Variants in CNTNAP3 observed in about 807,000 individuals in gnomAD.
CNTNAP3 encodes contactin associated protein family member 3.
Under a neutral mutation model 92.1 loss-of-function variants are expected in CNTNAP3, and 36 were observed. That is an observed-to-expected ratio of 0.39 (90% CI 0.30 to 0.52). The LOEUF (loss-of-function observed/expected upper bound fraction) is 0.52, where lower values mean the gene tolerates loss of function less well. CNTNAP3 is among the 20% of genes least tolerant of loss of function. The pLI is 0.76. For missense variants in CNTNAP3, 534 were observed against 1,069.6 expected, an observed-to-expected ratio of 0.50 and a Z score of 6.98; for synonymous variants, 232 against 422.3, an observed-to-expected ratio of 0.55 and a Z score of 5.53.
chr9:39,168,022 G>GTTT (rs796495690), intron 8 of CNTNAP3, among the ~76,000 whole-genome samples: 4 of 137,150 alleles, frequency 2.9e-5, no homozygotes, highest in African/African-American at 1.1e-4. Flanking sequence ...TTTTGTTTTT[G>GTTT]TTTTTTTTTT....
chr9:39,104,135 A>G (rs1826538393), intron 15 of CNTNAP3, among the ~76,000 whole-genome samples: 1 of 152,102 alleles, frequency 6.6e-6, no homozygotes, highest in Non-Finnish European at 1.5e-5. Flanking sequence ...AGGCCAAACA[A>G]AAGCGAAGCA....
chr9:39,122,139 G>C (rs1184792641), intron 13 of CNTNAP3, among the ~76,000 whole-genome samples: 2 of 152,178 alleles, frequency 1.3e-5, no homozygotes, highest in Non-Finnish European at 2.9e-5. Context: ...CAGATCATGA[G>C]GTCAGGAGAT....
At chr9:39,124,573 C>A (rs1821111888) in intron 13 of CNTNAP3, among the ~76,000 whole-genome samples, 1 of 152,102 alleles carries the variant, frequency 6.6e-6, no homozygotes, top group Non-Finnish European at 1.5e-5. Context: ...AGTGAACAGG[C>A]AACCTATAGA....
At position 39,103,803 on chromosome 9, in the gene CNTNAP3, G is replaced by A; in HGVS notation, c.2477C>T (p.Ser826Phe). 1 of 1,611,208 alleles carries A rather than the reference G, an allele frequency of 6.2e-7. No homozygotes were observed. Among genetic ancestry groups the A allele is most frequent in the Non-Finnish European group, 8.5e-7 (1 of 1,179,782 alleles). The change falls in exon 16 of 24, where the codon TCC becomes TTC. Residue 826 changes from serine to phenylalanine, a missense_variant. Ser to Phe is a radical substitution (Grantham distance 155). Transcript: ENST00000297668. ...DVCFFFKTTV[S>F]SGVFMENLGI... Reference sequence around the variant, plus strand: ...CAGGTTCTCCATAAACACCCCGGAGGAAACTGTGGTCTTAAAAAAGAAGCA... The same window carrying A: ...CAGGTTCTCCATAAACACCCCGGAGAAAACTGTGGTCTTAAAAAAGAAGCA...
intron 14 of CNTNAP3, among the ~76,000 whole-genome samples, chr9:39,113,766 C>T: frequency 6.6e-6 from 1 of 151,582 alleles, no homozygotes; most frequent in Non-Finnish European, 1.5e-5. Context: ...TATACTTATT[C>T]AACAATAATG....
At chr9:39,131,761 G>A (rs10974160) in intron 13 of CNTNAP3, among the ~76,000 whole-genome samples, 1 of 151,962 alleles carries the variant, frequency 6.6e-6, no homozygotes, top group Admixed American at 6.6e-5. Flanking sequence ...GGGAGGGGAG[G>A]GGGTTGCAGT....
intron 23 of CNTNAP3, among the ~76,000 whole-genome samples, chr9:39,074,813 G>T (rs1337604006): frequency 6.6e-6 from 1 of 152,176 alleles, no homozygotes; most frequent in Non-Finnish European, 1.5e-5. Context: ...CTGTCGCCCA[G>T]TCTGGAGTGC....
chr9:39,093,669 G>A (rs1273091291), intron 18 of CNTNAP3, among the ~76,000 whole-genome samples: 3 of 151,392 alleles, frequency 2.0e-5, no homozygotes, highest in Admixed American at 2.0e-4. Context: ...TGTCTTCTAT[G>A]TCAATTAATG....
At chr9:39,138,976 A>C (rs1203553043) in intron 12 of CNTNAP3, among the ~76,000 whole-genome samples, 1 of 152,158 alleles carries the variant, frequency 6.6e-6, no homozygotes, top group Non-Finnish European at 1.5e-5. Flanking sequence ...CAAGCTCTGA[A>C]GCAACTGCTT....
intron 13 of CNTNAP3, among the ~76,000 whole-genome samples, chr9:39,130,356 G>A (rs1821250574): frequency 6.6e-6 from 1 of 151,690 alleles, no homozygotes; most frequent in Non-Finnish European, 1.5e-5. Flanking sequence ...AATCTAGAGA[G>A]GATTACACAG....
chr9:39,144,529 A>T (rs1401815045), intron 10 of CNTNAP3, among the ~76,000 whole-genome samples, 183 bp from the exon 11 acceptor site: 1 of 151,642 alleles, frequency 6.6e-6, no homozygotes, highest in Admixed American at 6.6e-5. Context: ...CAAACTTTAG[A>T]TAAATATATC....
At position 39,071,900 on chromosome 9, in the gene CNTNAP3, A is replaced by G. The variant is rs572553644; in HGVS notation, c.*1990T>C. ...CAAGGGCAAAGTGATACATAAACCAATACAGAATACATTTGTCTGCACATT... is the reference window on the plus strand; with the variant it reads ...CAAGGGCAAAGTGATACATAAACCAGTACAGAATACATTTGTCTGCACATT... On this transcript the variant is annotated 3_prime_UTR_variant, in exon 24 of 24. Transcript: ENST00000297668. 5.1e-4 allele frequency among the ~76,000 whole-genome samples: 63 copies of G among 122,446 alleles called. No individual in the cohort carries two copies. Among genetic ancestry groups the G allele is most frequent in the Non-Finnish European group, 9.3e-4 (57 of 61,038 alleles). 80.3% of individuals were successfully genotyped at this position (122,446 alleles called of 152,430 possible).
chr9:39,127,055 G>A (rs1489904376), intron 13 of CNTNAP3, among the ~76,000 whole-genome samples: 1 of 151,590 alleles, frequency 6.6e-6, no homozygotes, highest in Non-Finnish European at 1.5e-5. Context: ...ATCATACAAA[G>A]TATATTCTCT....
intron 13 of CNTNAP3, among the ~76,000 whole-genome samples, chr9:39,132,292 G>A (rs887754924): frequency 2.0e-5 from 3 of 152,102 alleles, no homozygotes; most frequent in Non-Finnish European, 1.5e-5. Flanking sequence ...GGAAAGGAGG[G>A]GGAAGTTGGT....
rs958374012 is a variant in CNTNAP3, at chr9:39,124,710, C to T, written c.2081-6451G>A. On this transcript the variant is annotated intron_variant, in intron 13 of 23. Transcript: ENST00000297668. ...AAAGTGGGCGAAGTATATGAACAGACACTTCTCAAAAGAAGACATTTATGC... is the reference window on the plus strand; with the variant it reads ...AAAGTGGGCGAAGTATATGAACAGATACTTCTCAAAAGAAGACATTTATGC... 1.3e-5 allele frequency among the ~76,000 whole-genome samples: 2 copies of T among 152,058 alleles called. 1 individual carries two copies. The highest frequency in any genetic ancestry group is 3.9e-4 in the East Asian group (2 of 5,190).
chr9:39,103,420 A>G (rs1323517402), intron 16 of CNTNAP3, among the ~76,000 whole-genome samples: 9 of 152,064 alleles, frequency 5.9e-5, no homozygotes, highest in Admixed American at 2.0e-4. Context: ...CACCTCTACC[A>G]AAAATACAAA....
intron 21 of CNTNAP3, among the ~76,000 whole-genome samples, chr9:39,083,516 A>G (rs1024407010): frequency 7.2e-5 from 11 of 151,864 alleles, no homozygotes; most frequent in African/African-American, 2.7e-4. Flanking sequence ...AAAATTAGCC[A>G]GGCGTGGTGG....
In CNTNAP3 at chr9:39,217,358, GTATATATATATA is replaced by G. The variant is rs58203008; in HGVS notation, c.390+21623_390+21634del. Among the ~76,000 whole-genome samples, 38 of 4,238 alleles carry G rather than the reference GTATATATATATA, an allele frequency of 9.0e-3. 11 individuals carry two copies. The highest frequency in any genetic ancestry group is 0.048 in the South Asian group (2 of 42). 2.8% of individuals were successfully genotyped at this position (4,238 alleles called of 152,430 possible). On this transcript the variant is annotated intron_variant, in intron 3 of 23. Transcript: ENST00000297668. ...CTAGAAATATTTCATATTTACATGA[GTATATATATATA>G]TATATATATATATATATATATATAT...
chr9:39,135,417 T>C (rs1217740465), intron 12 of CNTNAP3, among the ~76,000 whole-genome samples: 1 of 151,934 alleles, frequency 6.6e-6, no homozygotes, highest in African/African-American at 2.4e-5. Flanking sequence ...TGGCTAAATG[T>C]GGAAAGGGGA....
Sources: gnomAD v4.1 joint callset for allele counts (sites outside exome capture counted in the v4.1 genomes callset) on GRCh38, gnomAD v4.1.1 for gene constraint, MANE v1.5 for transcripts, NCBI Gene and HGNC (gene_info 2026-07-23, HGNC 2026-07-21) for gene names.